Variants in LHX8 observed in about 807,000 individuals in gnomAD.
The protein encoded by LHX8 is LIM/homeobox protein Lhx8.
Under a neutral mutation model 40.3 loss-of-function variants are expected in LHX8, and 12 were observed. The ratio of observed to expected loss-of-function variants is 0.30; its 90% CI spans 0.19 to 0.48. LHX8 has a LOEUF of 0.48. Ranked by LOEUF, LHX8 falls within the 20% of genes least tolerant of loss-of-function variation. LHX8 has a pLI of 0.99. For synonymous variants in LHX8, 179 were observed against 162.0 expected, an observed-to-expected ratio of 1.10 and a Z score of -0.80; for missense variants, 344 against 433.7, an observed-to-expected ratio of 0.79 and a Z score of 1.84.
rs540537565 is a variant in LHX8 at position 75,155,297 on chromosome 1, T to C, written c.781-1596T>C. On this transcript the variant is annotated intron_variant, in intron 7 of 8. Transcript: ENST00000356261. ...TCGCCCAGCCTGGAGTGCAGTGGCA[T>C]GATCTTGGCTCACTGCAAGCTCCAC... 2.5e-3 allele frequency among the ~76,000 whole-genome samples: 346 copies of C among 139,180 alleles called. 1 individual carries two copies. The highest frequency in any genetic ancestry group is 4.3e-3 in the Middle Eastern group (1 of 232). The allele number at this position is 139,180 out of a possible 152,430, so 91.3% of individuals were successfully genotyped here.
chr1:75,160,738 C>G (rs192654253), intron 8 of LHX8, 81 bp from the exon 9 acceptor site: 311 of 938,026 alleles, frequency 3.3e-4, no homozygotes, highest in South Asian at 1.8e-3. Context: ...GAAAACAATG[C>G]CTTGGATTGT....
At chr1:75,130,322 G>T (rs569267428), upstream of LHX8, 7 of 301,588 alleles carry the variant, frequency 2.3e-5, no homozygotes, top group African/African-American at 1.5e-4. Flanking sequence ...CACTCGTACA[G>T]ACTCTTGGTC....
the LHX8 span, among the ~76,000 whole-genome samples, chr1:75,179,788 T>C: frequency 6.6e-6 from 1 of 152,210 alleles, no homozygotes. Flanking sequence ...CTAGCAGCGA[T>C]GGTCTTTACA....
intron 7 of LHX8, among the ~76,000 whole-genome samples, chr1:75,153,253 G>A (rs758663958): frequency 4.0e-5 from 6 of 151,776 alleles, no homozygotes; most frequent in African/African-American, 7.3e-5. Flanking sequence ...CTACAGGTGC[G>A]TGATACCACA....
At chr1:75,168,458 C>G in the LHX8 span, among the ~76,000 whole-genome samples, 1 of 152,058 alleles carries the variant, frequency 6.6e-6, no homozygotes, top group Admixed American at 6.5e-5. Context: ...AGCTCCTGAT[C>G]GTAGATGATC....
At chr1:75,160,286 A>G (rs546739972) in intron 8 of LHX8, 16 of 153,646 alleles carry the variant, frequency 1.0e-4, no homozygotes, top group African/African-American at 3.6e-4. Context: ...CTGAAAGCAG[A>G]AACTTCATTT....
chr1:75,140,657 A>G (rs568789300), intron 3 of LHX8, among the ~76,000 whole-genome samples: 1 of 152,348 alleles, frequency 6.6e-6, no homozygotes, highest in African/African-American at 2.4e-5. Flanking sequence ...AGGACTTTAA[A>G]GTAACCAAAC....
chr1:75,140,172 C>A (rs1648274688), intron 3 of LHX8, among the ~76,000 whole-genome samples: 1 of 152,058 alleles, frequency 6.6e-6, no homozygotes, highest in South Asian at 2.1e-4. Flanking sequence ...TGACTTGTTC[C>A]CTGGATTGAC....
intron 4 of LHX8, among the ~76,000 whole-genome samples, chr1:75,141,699 T>G (rs1264656745): frequency 1.3e-5 from 2 of 152,164 alleles, no homozygotes; most frequent in African/African-American, 4.8e-5. Flanking sequence ...ATTTTCTGCG[T>G]GTGATCTCTG....
chr1:75,159,311 T>A (rs1379864433), intron 8 of LHX8: 1 of 152,128 alleles, frequency 6.6e-6, no homozygotes, highest in Admixed American at 6.5e-5. Flanking sequence ...TTTCTTTGTG[T>A]TTGTCTTGAA....
chr1:75,135,646 G>C (rs1346761120), intron 1 of LHX8, among the ~76,000 whole-genome samples: 3 of 152,232 alleles, frequency 2.0e-5, no homozygotes, highest in African/African-American at 7.2e-5. Context: ...TTTTGGAAAC[G>C]AAAGCGGTCT....
upstream of LHX8, chr1:75,130,615 C>G (rs562982248): frequency 1.2e-4 from 138 of 1,120,846 alleles, no homozygotes; most frequent in East Asian, 2.8e-3. Flanking sequence ...GCACCCCTCT[C>G]TTACCCTCAG....
the LHX8 span, among the ~76,000 whole-genome samples, chr1:75,173,664 G>T: frequency 2.0e-5 from 3 of 152,018 alleles, no homozygotes; most frequent in African/African-American, 7.2e-5. Context: ...TTACAGGCGT[G>T]AGCCACCGTG....
At chr1:75,164,838 A>AT (rs138322863), downstream of LHX8, among the ~76,000 whole-genome samples, 8 of 150,388 alleles carry the variant, frequency 5.3e-5, no homozygotes, top group African/African-American at 1.7e-4. Context: ...CACCACACAA[A>AT]TTTTTTTTTG....
the LHX8 span, among the ~76,000 whole-genome samples, chr1:75,175,044 G>A: frequency 6.6e-6 from 1 of 152,172 alleles, no homozygotes; most frequent in Non-Finnish European, 1.5e-5. Context: ...TCCTGCTTAT[G>A]AGTGAGAACA....
chr1:75,152,772 C>T (rs1018923571), intron 7 of LHX8, among the ~76,000 whole-genome samples: 1 of 152,124 alleles, frequency 6.6e-6, no homozygotes, highest in African/African-American at 2.4e-5. Context: ...GTTCCTTTTC[C>T]CCAACTCAGA....
the LHX8 span, among the ~76,000 whole-genome samples, chr1:75,175,655 T>A: frequency 6.6e-6 from 1 of 151,948 alleles, no homozygotes; most frequent in East Asian, 1.9e-4. Context: ...ATGGGATTAT[T>A]TTATTTTATT....
At chr1:75,161,934 C>A (rs900897024), downstream of LHX8, among the ~76,000 whole-genome samples, 1 of 152,048 alleles carries the variant, frequency 6.6e-6, no homozygotes, top group Non-Finnish European at 1.5e-5. Context: ...AAATCTTAAA[C>A]CTCAGGACTT....
At chr1:75,179,609 T>C in the LHX8 span, among the ~76,000 whole-genome samples, 1 of 147,566 alleles carries the variant, frequency 6.8e-6, no homozygotes, top group Non-Finnish European at 1.5e-5. Flanking sequence ...GTCTCCTGAA[T>C]ACAGCACTCT....
Sources: allele counts gnomAD v4.1 joint callset (sites outside exome capture counted in the v4.1 genomes callset), GRCh38; gene constraint gnomAD v4.1.1; transcripts MANE v1.5; gene names NCBI Gene and HGNC (gene_info 2026-07-23, HGNC 2026-07-21).